Variants in EPS8L1 observed in about 807,000 individuals in gnomAD.
EPS8L1 encodes the protein EPS8 signaling adaptor L1.
A neutral mutation model predicts 91.7 loss-of-function variants in EPS8L1; 101 were observed. That is an observed-to-expected ratio of 1.10 (90% CI 0.94 to 1.30). EPS8L1 has a LOEUF of 1.30. EPS8L1 is among the 50% of genes most tolerant of loss of function. The pLI is 0.00. For missense variants in EPS8L1, 1,114 were observed against 1,017.0 expected, an observed-to-expected ratio of 1.10 and a Z score of -1.30; for synonymous variants, 506 against 445.3, an observed-to-expected ratio of 1.14 and a Z score of -1.72.
intron 2 of EPS8L1, among the ~76,000 whole-genome samples, chr19:55,076,971 A>G (rs2076145519): frequency 6.6e-6 from 1 of 152,236 alleles, no homozygotes. Context: ...GAGTCAAAAT[A>G]CCTGCATGGT....
chr19:55,081,562 C>A lies in EPS8L1; in HGVS notation c.774+70C>A. On this transcript the variant is annotated intron_variant, in intron 8 of 19. Coordinates refer to ENST00000201647, the MANE Select transcript of EPS8L1 (RefSeq NM_133180.3). This position sits in a 1 kb window ranked among gnomAD's most constrained non-coding sequence, Gnocchi z 4.9. ...GAGGCGGGGCTAGGGCGTGGAAGGGCGGGGCCGGCTGCGGGACGGGCGTTC... is the reference window on the plus strand; with the variant it reads ...GAGGCGGGGCTAGGGCGTGGAAGGGAGGGGCCGGCTGCGGGACGGGCGTTC... The A allele has an allele frequency of 7.2e-7, 1 of 1,397,760 alleles. No homozygotes were observed. The highest frequency in any genetic ancestry group is 9.3e-7 in the Non-Finnish European group (1 of 1,073,454). 86.6% of individuals were successfully genotyped at this position (1,397,760 alleles called of 1,614,324 possible).
rs369689819 is a variant in EPS8L1, at chr19:55,077,435, A to T, written c.18-653A>T. ...CCCTACCAGATGGTTACTACGTTAC[A>T]GAAAGAAAAACTGAGGCAGGAGAGA... On this transcript the variant is annotated intron_variant, in intron 2 of 19. Transcript: ENST00000201647. Among the ~76,000 whole-genome samples, 5 of 152,226 alleles carry T rather than the reference A, an allele frequency of 3.3e-5. No homozygotes were observed. The East Asian group carries it at 9.6e-4, about 29-fold the overall frequency.
Position 55,081,216 on chromosome 19 carries a change from C to G in EPS8L1, c.513-15C>G. 1 of 1,496,024 alleles carries G rather than the reference C, an allele frequency of 6.7e-7. No individual in the cohort carries two copies. The highest frequency in any genetic ancestry group is 1.3e-5 in the South Asian group (1 of 74,504). 92.7% of individuals were successfully genotyped at this position (1,496,024 alleles called of 1,614,324 possible). A position where few individuals can be genotyped will look rare whatever the true frequency, so the allele number is the denominator to read the frequency against. ...TCAGTGGACCCAGTCTTGGTGTCCC[C>G]GTCGCCCTCCGCAGGGCCACGCAGG... On this transcript the variant is annotated splice_polypyrimidine_tract_variant and intron_variant, in intron 7 of 19. Coordinates refer to ENST00000201647, the MANE Select transcript of EPS8L1 (RefSeq NM_133180.3). This position sits in a 1 kb window ranked among gnomAD's most constrained non-coding sequence, Gnocchi z 4.9.
rs1568780498 is a variant in EPS8L1, at chr19:55,079,980, C to A, written c.279+129C>A. The A allele has an allele frequency of 4.2e-6, 6 of 1,431,612 alleles. No homozygotes were observed. The South Asian group carries it at 7.1e-5, about 17-fold the overall frequency. 88.7% of individuals were successfully genotyped at this position (1,431,612 alleles called of 1,614,324 possible). A position where few individuals can be genotyped will look rare whatever the true frequency, so the allele number is the denominator to read the frequency against. ...GAGGGACCCCAGCCCCCTTCTTGAG[C>A]CTTAATAGCCTCATCTATTAAACAG... On this transcript the variant is annotated intron_variant, in intron 5 of 19. Coordinates refer to ENST00000201647, the MANE Select transcript of EPS8L1 (RefSeq NM_133180.3).
Position 55,081,536 on chromosome 19 carries a change from G to A in EPS8L1, c.774+44G>A. The stretch of plus-strand genomic sequence containing the variant: ...GGTCTGGGGGCAGGGCCAGGCGACT[G>A]GAGGCGGGGCTAGGGCGTGGAAGGG... On this transcript the variant is annotated intron_variant, in intron 8 of 19. Transcript: ENST00000201647. This position sits in a 1 kb window ranked among gnomAD's most constrained non-coding sequence, Gnocchi z 4.9. 6.6e-7 allele frequency: 1 copy of A among 1,515,290 alleles called. No individual in the cohort carries two copies. Among genetic ancestry groups the A allele is most frequent in the South Asian group, 1.3e-5 (1 of 76,364 alleles). 93.9% of individuals were successfully genotyped at this position (1,515,290 alleles called of 1,614,324 possible).
In EPS8L1 at chr19:55,080,962, G is replaced by A. The variant is rs913427199; in HGVS notation, c.512+108G>A. The A allele has an allele frequency of 2.7e-6, 3 of 1,097,492 alleles. No individual in the cohort carries two copies. The Admixed American group carries it at 8.0e-5, about 29-fold the overall frequency. 68.0% of individuals were successfully genotyped at this position (1,097,492 alleles called of 1,614,324 possible). On this transcript the variant is annotated intron_variant, in intron 7 of 19. Transcript: ENST00000201647. The stretch of plus-strand genomic sequence containing the variant: ...GAACAAGAGTTTTGCATGGAGTCAA[G>A]CACACCCTAGTCGAGTCTTGTCTGT...
At chr19:55,086,234 TG>T in intron 16 of EPS8L1, 42 bp downstream of exon 16, 1 of 1,597,782 alleles carries the variant, frequency 6.3e-7, no homozygotes, top group East Asian at 2.2e-5. Flanking sequence ...GTGGAGAGGC[TG>T]GGACCAGATC....
At chr19:55,080,687 T>A (rs530351255) in intron 6 of EPS8L1, 85 bp from the exon 7 acceptor site, 3 of 1,572,472 alleles carry the variant, frequency 1.9e-6, no homozygotes, top group African/African-American at 1.3e-5. Flanking sequence ...GGGCTGGGAC[T>A]GAGCTGAAAA....
chr19:55,081,959 C>G lies in EPS8L1; in HGVS notation c.901+60C>G. 6.4e-7 allele frequency: 1 copy of G among 1,569,000 alleles called. No homozygotes were observed. The highest frequency in any genetic ancestry group is 1.9e-5 in the Admixed American group (1 of 53,310). ...TCCCGATCTCTTCCAAATGTCCCCGCTCTCCCCAGGCTCTCCCCTCCCGCC... is the reference window on the plus strand; with the variant it reads ...TCCCGATCTCTTCCAAATGTCCCCGGTCTCCCCAGGCTCTCCCCTCCCGCC... On this transcript the variant is annotated intron_variant, in intron 9 of 19. Transcript: ENST00000201647. The surrounding 1 kb of genome is among the most constrained non-coding windows in gnomAD (Gnocchi z 4.9).
rs1049883945 is a variant in EPS8L1 at position 55,083,813 on chromosome 19, G to A, written c.1385+169G>A. 16 of 470,954 alleles carry A rather than the reference G, an allele frequency of 3.4e-5. No homozygotes were observed. The highest frequency in any genetic ancestry group is 3.3e-4 in the Admixed American group (13 of 39,492). 29.2% of individuals were successfully genotyped at this position (470,954 alleles called of 1,614,324 possible). On this transcript the variant is annotated intron_variant, in intron 14 of 19. Coordinates refer to ENST00000201647, the MANE Select transcript of EPS8L1 (RefSeq NM_133180.3). The surrounding 1 kb of genome is among the most constrained non-coding windows in gnomAD (Gnocchi z 4.7). ...CGGGCCGGGGCTGGGAGAGAGGGAG[G>A]AGCAGGGTGGGAGGGGGCGGGACCC...
In EPS8L1 at chr19:55,086,699, GT is replaced by G; in HGVS notation, c.1778-12del. ...CTGAGCCCGCACTCCCTACCTCCCG[GT>G]TTCCCGCCTGCAGAGAAATTCTCCC... is the stretch of plus-strand genomic sequence containing the variant. On this transcript the variant is annotated splice_polypyrimidine_tract_variant and intron_variant, in intron 17 of 19. Coordinates refer to ENST00000201647, the MANE Select transcript of EPS8L1 (RefSeq NM_133180.3). 4 of 1,437,242 alleles carry G rather than the reference GT, an allele frequency of 2.8e-6. No individual in the cohort carries two copies. The highest frequency in any genetic ancestry group is 3.7e-6 in the Non-Finnish European group (4 of 1,071,208). The allele number at this position is 1,437,242 out of a possible 1,614,324, so 89.0% of individuals were successfully genotyped here. A position where few individuals can be genotyped will look rare whatever the true frequency, so the allele number is the denominator to read the frequency against.
intron 17 of EPS8L1, 88 bp downstream of exon 17, chr19:55,086,606 C>CTCCCG: frequency 6.5e-7 from 1 of 1,531,504 alleles, no homozygotes; most frequent in East Asian, 2.4e-5. Flanking sequence ...AGCAAAGGGA[C>CTCCCG]TCCCGTCCCA....
chr19:55,081,480 G>T lies in EPS8L1; in HGVS notation c.762G>T (p.Ala254=), dbSNP rs979203277. The T allele has an allele frequency of 1.3e-6, 2 of 1,587,606 alleles. No individual in the cohort carries two copies. The highest frequency in any genetic ancestry group is 1.7e-6 in the Non-Finnish European group (2 of 1,167,530). The part of the protein sequence containing the change: ...PRGPDLAVLQ[A]EREVDILNHV... ...GTCCTGACCTGGCGGTTCTGCAGGC[G>T]GAGCGGGAAGTGGTGAGCCGCTAAG... The change falls in exon 8 of 20, where the codon GCG becomes GCT. Residue 254 remains alanine, a synonymous_variant. Coordinates refer to ENST00000201647, the MANE Select transcript of EPS8L1 (RefSeq NM_133180.3). The surrounding 1 kb of genome is among the most constrained non-coding windows in gnomAD (Gnocchi z 4.9).
At position 55,085,957 on chromosome 19, in the gene EPS8L1, A is replaced by G; in HGVS notation, c.1502A>G (p.Gln501Arg). 3.1e-6 allele frequency: 5 copies of G among 1,613,578 alleles called. No individual in the cohort carries two copies. The highest frequency in any genetic ancestry group is 4.2e-6 in the Non-Finnish European group (5 of 1,179,562). The change falls in exon 15 of 20, where the codon CAG becomes CGG. Residue 501 changes from glutamine (Q) to arginine (R), a missense_variant. Physicochemically the swap from Gln to Arg is conservative, Grantham distance 43. Transcript: ENST00000201647. ...AACAGCAGTGAGCTGTCGGTCAAGC[A>G]GCGGGACGTACTGGAGGTTAGAGGA... ...ARNSSELSVKQRDVLEVLDDS... is the reference protein window; with the variant it reads ...ARNSSELSVKRRDVLEVLDDS...
Position 55,087,389 on chromosome 19 carries a change from G to C in EPS8L1, c.2039G>C (p.Gly680Ala). 6.2e-7 allele frequency: 1 copy of C among 1,613,540 alleles called. No individual in the cohort carries two copies. The highest frequency in any genetic ancestry group is 8.5e-7 in the Non-Finnish European group (1 of 1,179,678). Residue 680 changes from glycine (G) to alanine (A), a missense_variant, in exon 19 of 20, where the codon GGG (glycine) becomes GCG (alanine). By Grantham distance (60) the Gly-to-Ala change is moderately conservative. Transcript: ENST00000201647. The part of the protein sequence containing the change: ...EELRAVSPEE[G>A]ARVYSQVTVQ... The stretch of plus-strand genomic sequence containing the variant: ...CTGCGGGCGGTGAGCCCCGAGGAGG[G>C]GGCACGTGTGTACAGCCAGGTCACC...
Position 55,082,447 on chromosome 19 carries a change from C to T in EPS8L1, c.1066-7C>T. 1 of 1,612,012 alleles carries T rather than the reference C, an allele frequency of 6.2e-7. No individual in the cohort carries two copies. ...GGCACAGCCTGCCCCTCCTGCTCCC[C>T]TGACAGATTGTGAACACGTCGGGGG... On this transcript the variant is annotated splice_region_variant and splice_polypyrimidine_tract_variant and intron_variant, in intron 11 of 19. Transcript: ENST00000201647.
chr19:55,077,972 AAC>A, intron 2 of EPS8L1, 114 bp from the exon 3 acceptor site: 1 of 478,502 alleles, frequency 2.1e-6, no homozygotes, highest in Admixed American at 3.9e-5. Context: ...TAATAATAAT[AAC>A]CCTTCCATCG....
chr19:55,083,316 C>T lies in EPS8L1; in HGVS notation c.1215-62C>T, dbSNP rs1291597804. On this transcript the variant is annotated intron_variant, in intron 12 of 19. Coordinates refer to ENST00000201647, the MANE Select transcript of EPS8L1 (RefSeq NM_133180.3). This position sits in a 1 kb window ranked among gnomAD's most constrained non-coding sequence, Gnocchi z 4.7. Reference sequence around the variant, plus strand: ...AGGGGAAAACTTAGTGAAGTTAATGCAGGAACGAAGTTGGGGGCTGTATCA... The same window carrying T: ...AGGGGAAAACTTAGTGAAGTTAATGTAGGAACGAAGTTGGGGGCTGTATCA... The T allele has an allele frequency of 6.3e-6, 10 of 1,576,034 alleles. No individual in the cohort carries two copies. The highest frequency in any genetic ancestry group is 5.5e-5 in the Admixed American group (3 of 54,564).
intron 14 of EPS8L1, chr19:55,084,010 TAGG>T (rs971680492): frequency 4.0e-6 from 2 of 505,474 alleles, no homozygotes; most frequent in African/African-American, 3.9e-5. Flanking sequence ...CTGGGCTCCC[TAGG>T]AGGACAGAGC....
Sources: allele counts gnomAD v4.1 joint callset (sites outside exome capture counted in the v4.1 genomes callset), GRCh38; gene constraint gnomAD v4.1.1; non-coding constraint Gnocchi (gnomAD v3.1); transcripts MANE v1.5; gene names NCBI Gene and HGNC (gene_info 2026-07-23, HGNC 2026-07-21).